HDAC4: variants seen among roughly 807,000 people sequenced by gnomAD.
HDAC4 encodes histone deacetylase 4, also known as histone deacetylase A.
HDAC4 carries 16 observed loss-of-function variants against 135.1 expected under a neutral mutation model. The observed-to-expected ratio is 0.12, with a 90% confidence interval of 0.08 to 0.18. HDAC4 has a LOEUF of 0.18. Ranked by LOEUF, HDAC4 falls within the 10% of genes least tolerant of loss-of-function variation. The pLI is 1.00. For synonymous variants in HDAC4, 685 were observed against 653.4 expected (o/e 1.05, Z -0.74); for missense variants, 1,143 against 1,511.8 (o/e 0.76, Z 4.05).
intron 2 of HDAC4, among the ~76,000 whole-genome samples, chr2:239,281,466 C>T (rs1303444938): frequency 7.2e-6 from 1 of 138,964 alleles, no homozygotes; most frequent in Non-Finnish European, 1.5e-5. Context: ...CTACACACCA[C>T]TCTACAATGT....
chr2:239,172,534 T>C (rs932906736), intron 5 of HDAC4, among the ~76,000 whole-genome samples: 4 of 152,044 alleles, frequency 2.6e-5, no homozygotes, highest in Non-Finnish European at 4.4e-5. Flanking sequence ...TGTATAGCTA[T>C]ATAAGCATAT....
At chr2:239,353,465 C>A (rs180818181) in intron 1 of HDAC4, among the ~76,000 whole-genome samples, 71 of 152,310 alleles carry the variant, frequency 4.7e-4, no homozygotes, top group Middle Eastern at 3.4e-3. Flanking sequence ...CTCAGTACCA[C>A]TGGGATTTTG....
At chr2:239,249,705 A>G (rs187910288) in intron 2 of HDAC4, among the ~76,000 whole-genome samples, 22 of 152,016 alleles carry the variant, frequency 1.4e-4, no homozygotes, top group Non-Finnish European at 2.9e-4. Flanking sequence ...CTCACTATCC[A>G]AATACCACGC....
intron 3 of HDAC4, among the ~76,000 whole-genome samples, chr2:239,235,031 C>T (rs746910515): frequency 2.6e-5 from 4 of 152,144 alleles, no homozygotes; most frequent in South Asian, 2.1e-4. Flanking sequence ...CCAAAACTGT[C>T]GACATAAGCC....
chr2:239,339,329 C>A (rs994862166), intron 2 of HDAC4, among the ~76,000 whole-genome samples: 5 of 152,190 alleles, frequency 3.3e-5, no homozygotes, highest in Non-Finnish European at 7.3e-5. Flanking sequence ...AAGTCAAAGC[C>A]CAGTATCTTT....
At chr2:239,103,264 G>A (rs895989588) in intron 15 of HDAC4, among the ~76,000 whole-genome samples, 6 of 152,160 alleles carry the variant, frequency 3.9e-5, no homozygotes, top group African/African-American at 7.2e-5. Flanking sequence ...GCTCCCTCAC[G>A]TTCAAGGGAA....
At chr2:239,156,418 TTGAG>T (rs2042427066) in intron 7 of HDAC4, among the ~76,000 whole-genome samples, 1 of 152,218 alleles carries the variant, frequency 6.6e-6, no homozygotes, top group Non-Finnish European at 1.5e-5. Context: ...CAAAGTGAGT[TTGAG>T]TGTTCAGCAG....
chr2:239,111,112 C>A (rs531058773), intron 14 of HDAC4, among the ~76,000 whole-genome samples: 2 of 152,272 alleles, frequency 1.3e-5, no homozygotes, highest in Non-Finnish European at 2.9e-5. Flanking sequence ...CAGCCATTCA[C>A]AGCCCTGTCA....
At chr2:239,193,680 C>T (rs542530071) in intron 3 of HDAC4, among the ~76,000 whole-genome samples, 3 of 152,206 alleles carry the variant, frequency 2.0e-5, no homozygotes, top group Admixed American at 6.5e-5. Flanking sequence ...GCCAAGAGCG[C>T]GAGGGGAAGC....
intron 8 of HDAC4, among the ~76,000 whole-genome samples, chr2:239,140,705 A>G (rs1239836467): frequency 1.3e-5 from 2 of 152,220 alleles, no homozygotes; most frequent in African/African-American, 4.8e-5. Context: ...CGCAGCGCAT[A>G]CAGGTCAGAA....
rs3791363 is a variant in HDAC4, at chr2:239,066,078, C to A, written c.3003+644G>T. Among the ~76,000 whole-genome samples the A allele has an allele frequency of 4.6e-5, 7 of 152,332 alleles. No homozygotes were observed. In the East Asian group the frequency reaches 1.4e-3, roughly 29 times the overall value. On this transcript the variant is annotated intron_variant, in intron 24 of 26. Coordinates refer to ENST00000543185, the MANE Select transcript of HDAC4 (RefSeq NM_001378414.1). ...CGCCTGGTGGAGGCCCTGCTGGGAG[C>A]AGGGAGGCCCGGGCCCCAGCGTCAT... is the stretch of plus-strand genomic sequence containing the variant.
intron 22 of HDAC4, among the ~76,000 whole-genome samples, chr2:239,079,461 A>G (rs2035083541): frequency 6.6e-6 from 1 of 152,074 alleles, no homozygotes; most frequent in African/African-American, 2.4e-5. Flanking sequence ...GTGCCTGGGG[A>G]GGGGGGCCCA....
chr2:239,221,919 T>C (rs1251548886), intron 3 of HDAC4, among the ~76,000 whole-genome samples: 1 of 152,236 alleles, frequency 6.6e-6, no homozygotes, highest in East Asian at 1.9e-4. Context: ...AGGCTTTTTT[T>C]CTTCTGAGTA....
At chr2:239,065,552 G>A (rs1011104832) in intron 24 of HDAC4, among the ~76,000 whole-genome samples, 7 of 152,184 alleles carry the variant, frequency 4.6e-5, no homozygotes, top group Non-Finnish European at 5.9e-5. Flanking sequence ...AAACCGCTGA[G>A]CACCAGGACA....
intron 3 of HDAC4, among the ~76,000 whole-genome samples, chr2:239,205,634 A>G (rs2045998320): frequency 6.6e-6 from 1 of 152,092 alleles, no homozygotes; most frequent in Admixed American, 6.5e-5. Flanking sequence ...ACGGAGAGAA[A>G]TCTAAACAGA....
intron 2 of HDAC4, among the ~76,000 whole-genome samples, chr2:239,284,623 G>A (rs917696100): frequency 6.6e-6 from 1 of 152,198 alleles, no homozygotes. Context: ...CCTGCATGAA[G>A]ATGGTCCCAG....
At chr2:239,120,381 A>AC (rs1268075796) in intron 12 of HDAC4, among the ~76,000 whole-genome samples, 37 of 151,000 alleles carry the variant, frequency 2.5e-4, no homozygotes, top group African/African-American at 8.0e-4. Context: ...ATACCCGCAG[A>AC]GGCACACACA....
At chr2:239,069,386 G>A (rs1291024043) in intron 22 of HDAC4, among the ~76,000 whole-genome samples, 1 of 83,700 alleles carries the variant, frequency 1.2e-5, no homozygotes, top group Non-Finnish European at 2.5e-5. Flanking sequence ...CAAGCCCCAC[G>A]ACACTTGCTT....
intron 12 of HDAC4, among the ~76,000 whole-genome samples, chr2:239,119,373 T>A (rs1284541574): frequency 6.6e-6 from 1 of 152,118 alleles, no homozygotes; most frequent in African/African-American, 2.4e-5. Context: ...AGCAAGAATG[T>A]CCTGGAGGCT....
Sources: allele counts gnomAD v4.1 joint callset (sites outside exome capture counted in the v4.1 genomes callset), GRCh38; gene constraint gnomAD v4.1.1; transcripts MANE v1.5; gene names NCBI Gene and HGNC (gene_info 2026-07-23, HGNC 2026-07-21).